Variants in SCUBE1 observed in about 807,000 individuals in gnomAD.
SCUBE1 encodes the protein signal peptide, CUB domain and EGF like domain containing 1.
SCUBE1 carries 59 observed loss-of-function variants against 124.4 expected under a neutral mutation model. The observed-to-expected ratio is 0.47, with a 90% confidence interval of 0.38 to 0.59. The LOEUF (loss-of-function observed/expected upper bound fraction) is 0.59. SCUBE1 is among the 20% of genes least tolerant of loss of function. The probability of loss-of-function intolerance (pLI) is 0.00; values close to 1 mark genes in which losing one functional copy is unlikely to be tolerated. For missense variants in SCUBE1, 1,150 were observed against 1,371.2 expected, an observed-to-expected ratio of 0.84 and a Z score of 2.55; for synonymous variants, 545 against 550.9, an observed-to-expected ratio of 0.99 and a Z score of 0.15.
chr22:43,333,472 G>A (rs1007705599), intron 2 of SCUBE1, among the ~76,000 whole-genome samples: 1 of 152,208 alleles, frequency 6.6e-6, no homozygotes, highest in Non-Finnish European at 1.5e-5. Context: ...TTCCCAGAAT[G>A]GGGGGCAGGT....
Position 43,209,701 on chromosome 22 carries a change from C to T in SCUBE1, c.2581+342G>A, listed in dbSNP as rs571465524. ...GCCTGAGGTCTCGCCCTGAGCGGTG[C>T]GGCAGAAAGTGGTGGCAAGGGGCCC... On this transcript the variant is annotated intron_variant, in intron 19 of 21. Transcript: ENST00000360835. 4.5e-4 allele frequency among the ~76,000 whole-genome samples: 68 copies of T among 152,296 alleles called. 1 individual carries two copies. The highest frequency in any genetic ancestry group is 2.8e-4 in the Non-Finnish European group (19 of 68,014).
chr22:43,224,155 T>C (rs1922214022), intron 10 of SCUBE1, among the ~76,000 whole-genome samples: 1 of 152,256 alleles, frequency 6.6e-6, no homozygotes, highest in Admixed American at 6.5e-5. Context: ...TTAGAAACCC[T>C]TGCTTCCCAG....
intron 5 of SCUBE1, 113 bp downstream of exon 5, chr22:43,262,607 C>A (rs758637319): frequency 1.6e-5 from 20 of 1,282,240 alleles, no homozygotes; most frequent in Middle Eastern, 2.7e-4. Context: ...TCTCTCCACC[C>A]CATGGGGCTG....
rs1048919931 is a variant in SCUBE1, at chr22:43,255,367, G to A, written c.727+2852C>T. On this transcript the variant is annotated intron_variant, in intron 6 of 21. Coordinates refer to ENST00000360835, the MANE Select transcript of SCUBE1 (RefSeq NM_173050.5). This position sits in a 1 kb window ranked among gnomAD's most constrained non-coding sequence, Gnocchi z 4.7. ...CAGACATATGCCCCCACACGCACAC[G>A]TCACACCCACACACAGCACACACAC... 4.6e-6 allele frequency: 4 copies of A among 863,224 alleles called. No homozygotes were observed. Among genetic ancestry groups the A allele is most frequent in the Non-Finnish European group, 7.5e-6 (4 of 533,600 alleles). The allele number at this position is 863,224 out of a possible 1,614,324, so 53.5% of individuals were successfully genotyped here.
chr22:43,295,918 G>A (rs902187241), intron 3 of SCUBE1, among the ~76,000 whole-genome samples: 2 of 152,234 alleles, frequency 1.3e-5, no homozygotes, highest in African/African-American at 2.4e-5. Context: ...CAGCAGAGAG[G>A]TGTGACCTGA....
At chr22:43,326,878 C>T (rs1222892619) in intron 2 of SCUBE1, among the ~76,000 whole-genome samples, 1 of 152,088 alleles carries the variant, frequency 6.6e-6, no homozygotes, top group Non-Finnish European at 1.5e-5. Context: ...CATCCTGAGC[C>T]CCAGCATCAC....
At chr22:43,243,023 G>C (rs573065276) in intron 6 of SCUBE1, among the ~76,000 whole-genome samples, 3 of 152,236 alleles carry the variant, frequency 2.0e-5, no homozygotes, top group Non-Finnish European at 4.4e-5. Flanking sequence ...TTCAAAAATT[G>C]CTAAGAATTT....
intron 7 of SCUBE1, 131 bp from the exon 8 acceptor site, chr22:43,232,006 C>T: frequency 1.9e-6 from 2 of 1,077,120 alleles, no homozygotes; most frequent in Non-Finnish European, 2.7e-6. Flanking sequence ...CCCAAGCTGG[C>T]TGCTGGCTCC....
At chr22:43,339,622 T>C in intron 1 of SCUBE1, among the ~76,000 whole-genome samples, 4 of 81,856 alleles carry the variant, frequency 4.9e-5, no homozygotes, top group African/African-American at 5.9e-5. Flanking sequence ...TATCCCCTAC[T>C]CTCCTTACTC....
chr22:43,341,074 C>A (rs1309471727), intron 1 of SCUBE1, among the ~76,000 whole-genome samples: 3 of 140,352 alleles, frequency 2.1e-5, no homozygotes, highest in Admixed American at 6.8e-5. Context: ...AACAGCATGA[C>A]CCCCCTGCAC....
chr22:43,214,356 C>CCCGGAAGGTGT, intron 15 of SCUBE1, 105 bp from the exon 16 acceptor site: 1 of 1,215,912 alleles, frequency 8.2e-7, no homozygotes, highest in Non-Finnish European at 1.1e-6. Context: ...AGTCCTTGTC[C>CCCGGAAGGTGT]CCTGGGGCCC....
At chr22:43,256,220 A>G (rs1923656468) in intron 6 of SCUBE1, among the ~76,000 whole-genome samples, 1 of 152,230 alleles carries the variant, frequency 6.6e-6, no homozygotes, top group African/African-American at 2.4e-5. Context: ...CTGCTTGTCT[A>G]TAGAGGACTA....
In SCUBE1 at chr22:43,258,574, G is replaced by A. The variant is rs867133421; in HGVS notation, c.611-239C>T. ...CGGGGGTGGGACAGAATGGACTTGG[G>A]GTCGTCTGGGCTTTGATCAGAGCAG... On this transcript the variant is annotated intron_variant, in intron 5 of 21. Coordinates refer to ENST00000360835, the MANE Select transcript of SCUBE1 (RefSeq NM_173050.5). The surrounding 1 kb of genome is among the most constrained non-coding windows in gnomAD (Gnocchi z 5.0). 2.6e-5 allele frequency among the ~76,000 whole-genome samples: 4 copies of A among 152,164 alleles called. No individual in the cohort carries two copies. The highest frequency in any genetic ancestry group is 1.9e-4 in the East Asian group (1 of 5,198).
chr22:43,208,742 G>A (rs973096944), intron 19 of SCUBE1, among the ~76,000 whole-genome samples: 1 of 152,206 alleles, frequency 6.6e-6, no homozygotes, highest in Non-Finnish European at 1.5e-5. Flanking sequence ...CTGATCTCCC[G>A]AGGAGGAAAT....
At chr22:43,277,089 G>A (rs1421158267) in intron 4 of SCUBE1, among the ~76,000 whole-genome samples, 1 of 152,098 alleles carries the variant, frequency 6.6e-6, no homozygotes, top group Admixed American at 6.5e-5. Context: ...TGAGACAGAG[G>A]CAGGGATGCG....
intron 10 of SCUBE1, among the ~76,000 whole-genome samples, chr22:43,223,542 C>T (rs956479279): frequency 4.6e-5 from 7 of 152,152 alleles, no homozygotes; most frequent in Admixed American, 2.0e-4. Flanking sequence ...GGGAAAGGAA[C>T]GGCGCTAAAT....
Position 43,211,055 on chromosome 22 carries a change from G to T in SCUBE1, c.2250C>A (p.Asn750Lys). 1 of 1,613,512 alleles carries T rather than the reference G, an allele frequency of 6.2e-7. No homozygotes were observed. The highest frequency in any genetic ancestry group is 8.5e-7 in the Non-Finnish European group (1 of 1,179,762). ...KVHCSPGHHY[N>K]TTTHRCIRCP... ...AGCGGATGCAGCGGTGGGTGGTGGT[G>T]TTGTAGTGGTGGCCGGGGGAGCAGT... Residue 750 changes from asparagine (N) to lysine (K), a missense_variant, in exon 18 of 22, where the codon AAC (asparagine) becomes AAA (lysine). Physicochemically the swap from Asn to Lys is moderately conservative, Grantham distance 94. This residue lies in a region of SCUBE1 where 757 missense variants were observed against 840.9 expected (regional missense o/e 0.90). Coordinates refer to ENST00000360835, the MANE Select transcript of SCUBE1 (RefSeq NM_173050.5). This position sits in a 1 kb window ranked among gnomAD's most constrained non-coding sequence, Gnocchi z 4.5.
intron 4 of SCUBE1, among the ~76,000 whole-genome samples, chr22:43,285,782 G>T (rs1033936445): frequency 6.6e-6 from 1 of 152,216 alleles, no homozygotes; most frequent in African/African-American, 2.4e-5. Flanking sequence ...AGGAAGGATG[G>T]GTGGTTGGGC....
chr22:43,306,038 G>A (rs981846473), intron 3 of SCUBE1, among the ~76,000 whole-genome samples: 13 of 152,300 alleles, frequency 8.5e-5, no homozygotes, highest in Middle Eastern at 3.4e-3. Flanking sequence ...AACCTGTCCC[G>A]GTGCTGGGGG....
Sources: gnomAD v4.1 joint callset for allele counts (sites outside exome capture counted in the v4.1 genomes callset) on GRCh38, gnomAD v4.1.1 for gene constraint, gnomAD v4.1.1 regional missense constraint, Gnocchi (gnomAD v3.1) non-coding constraint, MANE v1.5 for transcripts, NCBI Gene and HGNC (gene_info 2026-07-23, HGNC 2026-07-21) for gene names.